Variants in PTPRD observed in about 807,000 individuals in gnomAD.
PTPRD encodes the protein receptor-type tyrosine-protein phosphatase delta.
PTPRD carries 34 observed loss-of-function variants against 214.5 expected under a neutral mutation model. That is an observed-to-expected ratio of 0.16 (90% confidence interval 0.12 to 0.21). The LOEUF is 0.21. Among genes scored for constraint, PTPRD ranks in the 10% least tolerant of loss-of-function variants. The pLI is 1.00. For missense variants in PTPRD, 2,545 were observed against 2,398.7 expected (o/e 1.06, Z -1.27); for synonymous variants, 1,128 against 845.7 (o/e 1.33, Z -5.79).
At chr9:9,905,530 AAAAGTTG>A (rs949685471) in intron 5 of PTPRD, among the ~76,000 whole-genome samples, 1 of 151,988 alleles carries the variant, frequency 6.6e-6, no homozygotes, top group African/African-American at 2.4e-5. Context: ...ACTTATCTTA[AAAAGTTG>A]TTCAATAAAG....
chr9:10,591,206 T>A (rs2132890079), intron 2 of PTPRD, among the ~76,000 whole-genome samples: 1 of 152,114 alleles, frequency 6.6e-6, no homozygotes, highest in Non-Finnish European at 1.5e-5. Context: ...GGCATTTCTT[T>A]CTATTGCTTG....
At chr9:8,896,822 T>C (rs1035086298) in intron 11 of PTPRD, among the ~76,000 whole-genome samples, 11 of 152,178 alleles carry the variant, frequency 7.2e-5, no homozygotes, top group South Asian at 2.1e-4. Context: ...GAGTTAATAT[T>C]ACAGATTCAG....
At chr9:8,506,396 A>T (rs1273528530) in intron 22 of PTPRD, among the ~76,000 whole-genome samples, 1 of 152,190 alleles carries the variant, frequency 6.6e-6, no homozygotes, top group Non-Finnish European at 1.5e-5. Context: ...ACTATTATGT[A>T]TTCTCATTCT....
At chr9:8,623,834 C>G (rs2095903677) in intron 14 of PTPRD, among the ~76,000 whole-genome samples, 1 of 151,714 alleles carries the variant, frequency 6.6e-6, no homozygotes, top group Non-Finnish European at 1.5e-5. Flanking sequence ...GAACCTACAC[C>G]CATAACTACA....
intron 6 of PTPRD, among the ~76,000 whole-genome samples, chr9:9,743,713 T>G (rs2098427526): frequency 7.1e-6 from 1 of 141,828 alleles, no homozygotes; most frequent in Non-Finnish European, 1.5e-5. Context: ...TACTTCTTCA[T>G]AGCAAAAACT....
At chr9:10,181,511 T>C (rs1378035580) in intron 3 of PTPRD, among the ~76,000 whole-genome samples, 1 of 152,134 alleles carries the variant, frequency 6.6e-6, no homozygotes, top group Non-Finnish European at 1.5e-5. Flanking sequence ...TAACTTTTTT[T>C]TTAAGAGACT....
intron 9 of PTPRD, among the ~76,000 whole-genome samples, chr9:9,352,368 T>C (rs1316644886): frequency 7.5e-6 from 1 of 133,262 alleles, no homozygotes. Flanking sequence ...TATGTGTGTG[T>C]GTGTATATAT....
At chr9:10,527,111 GGAAA>G (rs1378080528) in intron 2 of PTPRD, among the ~76,000 whole-genome samples, 5 of 152,142 alleles carry the variant, frequency 3.3e-5, no homozygotes, top group African/African-American at 1.2e-4. Context: ...AAATACAATT[GGAAA>G]GAGTTATTTA....
chr9:8,925,351 T>G (rs2098868789), intron 11 of PTPRD, among the ~76,000 whole-genome samples: 1 of 152,008 alleles, frequency 6.6e-6, no homozygotes, highest in East Asian at 1.9e-4. Context: ...AGGTACATTC[T>G]CCACTATATA....
At chr9:9,255,266 A>G (rs2099977240) in intron 9 of PTPRD, among the ~76,000 whole-genome samples, 1 of 152,044 alleles carries the variant, frequency 6.6e-6, no homozygotes. Context: ...AGATTCCGTT[A>G]TCATTGATTT....
At chr9:9,623,176 T>C (rs756251363) in intron 7 of PTPRD, among the ~76,000 whole-genome samples, 14 of 152,206 alleles carry the variant, frequency 9.2e-5, no homozygotes, top group Non-Finnish European at 2.1e-4. Flanking sequence ...ATAATAATTA[T>C]ATTGAGACAA....
chr9:8,396,117 C>G (rs936457148), intron 36 of PTPRD, among the ~76,000 whole-genome samples: 5 of 149,938 alleles, frequency 3.3e-5, no homozygotes, highest in Admixed American at 1.3e-4. Flanking sequence ...GTAGGAAACA[C>G]TCAGATGCTC....
chr9:9,606,764 A>G (rs189268167), intron 7 of PTPRD, among the ~76,000 whole-genome samples: 1 of 151,806 alleles, frequency 6.6e-6, no homozygotes, highest in Admixed American at 6.6e-5. Context: ...TTCTTACTAA[A>G]TGGGTAGATA....
At chr9:9,512,279 T>C (rs929322662) in intron 8 of PTPRD, among the ~76,000 whole-genome samples, 3 of 151,782 alleles carry the variant, frequency 2.0e-5, no homozygotes, top group Non-Finnish European at 2.9e-5. Flanking sequence ...AATGCAGAAA[T>C]CAAAGATGAT....
intron 5 of PTPRD, among the ~76,000 whole-genome samples, chr9:9,892,440 T>G (rs1428547127): frequency 6.6e-6 from 1 of 152,002 alleles, no homozygotes; most frequent in African/African-American, 2.4e-5. Context: ...AGAAAGTAGA[T>G]CTAGGGCACA....
chr9:9,979,315 T>C (rs2095464786), intron 4 of PTPRD, among the ~76,000 whole-genome samples: 2 of 152,070 alleles, frequency 1.3e-5, no homozygotes, highest in African/African-American at 4.8e-5. Context: ...GTATTTTGCT[T>C]TTCCAGATGA....
intron 9 of PTPRD, among the ~76,000 whole-genome samples, chr9:9,275,154 TATATATATAAC>T (rs1487839768): frequency 1.0e-4 from 6 of 57,740 alleles, no homozygotes; most frequent in African/African-American, 5.3e-4. Context: ...TATAATATAT[TATATATATAAC>T]ATATATATAA....
At chr9:9,398,387 C>G (rs1032571818) in intron 8 of PTPRD, among the ~76,000 whole-genome samples, 1 of 151,928 alleles carries the variant, frequency 6.6e-6, no homozygotes, top group African/African-American at 2.4e-5. Context: ...AGAAGACTTC[C>G]TGCTATGCCT....
chr9:8,759,851 C>T (rs1598935872), intron 11 of PTPRD, among the ~76,000 whole-genome samples: 1 of 152,270 alleles, frequency 6.6e-6, no homozygotes, highest in African/African-American at 2.4e-5. Context: ...CATTCTTTCC[C>T]TTGTGCTGAA....
Sources: gnomAD v4.1 joint callset for allele counts (sites outside exome capture counted in the v4.1 genomes callset) on GRCh38, gnomAD v4.1.1 for gene constraint, MANE v1.5 for transcripts, NCBI Gene and HGNC (gene_info 2026-07-23, HGNC 2026-07-21) for gene names.